Variants in EFCAB11 observed in about 807,000 individuals in gnomAD.
The protein encoded by EFCAB11 is EF-hand calcium-binding domain-containing protein 11.
Under a neutral mutation model 23.0 loss-of-function variants are expected in EFCAB11, and 14 were observed. That is an observed-to-expected ratio of 0.61 (90% CI 0.40 to 0.95). The LOEUF is 0.95. Ranked by LOEUF, EFCAB11 falls within the 40% of genes least tolerant of loss-of-function variation. The probability of loss-of-function intolerance (pLI) is 0.00; values close to 1 mark genes in which losing one functional copy is unlikely to be tolerated. For synonymous variants in EFCAB11, 65 were observed against 66.6 expected, an observed-to-expected ratio of 0.98 and a Z score of 0.11; for missense variants, 198 against 195.8, an observed-to-expected ratio of 1.01 and a Z score of -0.07.
intron 4 of EFCAB11, among the ~76,000 whole-genome samples, chr14:89,931,888 G>A (rs1206231552): frequency 6.6e-6 from 1 of 152,156 alleles, no homozygotes; most frequent in Non-Finnish European, 1.5e-5. Context: ...GATTCTCTCA[G>A]TACCAGAGAT....
At chr14:89,892,364 G>C (rs376978635) in intron 5 of EFCAB11, 68 of 1,611,592 alleles carry the variant, frequency 4.2e-5, no homozygotes, top group Middle Eastern at 3.3e-4. Flanking sequence ...AGAGGGCTTG[G>C]GGGGTGTCCG....
chr14:89,803,247 TC>T (rs373872756), intron 5 of EFCAB11, among the ~76,000 whole-genome samples: 52 of 152,336 alleles, frequency 3.4e-4, no homozygotes, highest in African/African-American at 1.2e-3. Flanking sequence ...AAAGACTTTT[TC>T]TTTAAAAAGA....
chr14:89,949,877 G>A (rs1891105274), intron 3 of EFCAB11, among the ~76,000 whole-genome samples: 1 of 152,250 alleles, frequency 6.6e-6, no homozygotes, highest in East Asian at 1.9e-4. Context: ...GAGAGAGCTT[G>A]TGCAGGGAAG....
chr14:89,880,605 A>G (rs1888569561), intron 5 of EFCAB11, among the ~76,000 whole-genome samples: 1 of 152,196 alleles, frequency 6.6e-6, no homozygotes, highest in Non-Finnish European at 1.5e-5. Flanking sequence ...GTTGAAAAAT[A>G]ATGAAATCGA....
At chr14:89,848,031 C>T (rs1450000937) in intron 5 of EFCAB11, among the ~76,000 whole-genome samples, 1 of 152,194 alleles carries the variant, frequency 6.6e-6, no homozygotes, top group African/African-American at 2.4e-5. Context: ...TCTACCTAAG[C>T]TCCCCAAAGT....
chr14:89,812,056 G>A (rs745456763), intron 5 of EFCAB11, among the ~76,000 whole-genome samples: 2 of 152,128 alleles, frequency 1.3e-5, no homozygotes, highest in Admixed American at 1.3e-4. Context: ...TTTAAGGTTG[G>A]TTCCAGTTCT....
At chr14:89,852,406 G>GA (rs1439727953) in intron 5 of EFCAB11, among the ~76,000 whole-genome samples, 2 of 152,140 alleles carry the variant, frequency 1.3e-5, no homozygotes, top group African/African-American at 4.8e-5. Flanking sequence ...AACCTCCTGA[G>GA]ACTCACGCTC....
rs35435801 is a variant in EFCAB11, at chr14:89,954,617, G to T, written c.44C>A (p.Ala15Asp). 2.3e-5 allele frequency: 37 copies of T among 1,613,476 alleles called. No individual in the cohort carries two copies. Among genetic ancestry groups the T allele is most frequent in the Non-Finnish European group, 3.0e-5 (35 of 1,179,966 alleles). The part of the protein sequence containing the change: ...EARARSRTWE[A>D]SPSEHRKWVE... ...CCACTTCCTGTGTTCCGAGGGACTG[G>T]CTTCCCACGTCCGCGACCTGGCTCT... The change falls in exon 1 of 6, where the codon GCC becomes GAC. Residue 15 changes from alanine (A) to aspartate (D), a missense_variant. Ala to Asp is a moderately radical substitution (Grantham distance 126, BLOSUM62 -2). Transcript: ENST00000316738.
chr14:89,942,582 T>C (rs1239196164), intron 3 of EFCAB11, among the ~76,000 whole-genome samples: 1 of 152,156 alleles, frequency 6.6e-6, no homozygotes, highest in Non-Finnish European at 1.5e-5. Context: ...CTGAAAGAGG[T>C]AGCAAGACTA....
chr14:89,894,790 G>T (rs1889107888), intron 5 of EFCAB11, among the ~76,000 whole-genome samples: 1 of 152,090 alleles, frequency 6.6e-6, no homozygotes, highest in Non-Finnish European at 1.5e-5. Context: ...TTAGCTAGAA[G>T]ATTAACATAC....
At chr14:89,847,801 T>C (rs2140135737) in intron 5 of EFCAB11, among the ~76,000 whole-genome samples, 1 of 150,816 alleles carries the variant, frequency 6.6e-6, no homozygotes. Flanking sequence ...AGACTCTGAA[T>C]TCAGACAGAC....
chr14:89,942,821 C>G (rs2139831832), intron 3 of EFCAB11, among the ~76,000 whole-genome samples: 1 of 152,330 alleles, frequency 6.6e-6, no homozygotes, highest in Middle Eastern at 3.4e-3. Context: ...ATACTTTACT[C>G]TTATTTCTAC....
Position 89,932,515 on chromosome 14 carries a change from G to C in EFCAB11, c.319+11C>G. On this transcript the variant is annotated intron_variant, in intron 4 of 5. Coordinates refer to ENST00000316738, the MANE Select transcript of EFCAB11 (RefSeq NM_145231.4). ...ATTTTTTTTACATCAAAACACTTTA[G>C]AGACACTTACAGTAGGTGTCAAAGG... is the stretch of plus-strand genomic sequence containing the variant. 1.9e-6 allele frequency: 3 copies of C among 1,608,050 alleles called. No homozygotes were observed. The highest frequency in any genetic ancestry group is 2.2e-5 in the South Asian group (2 of 90,666).
At chr14:89,903,154 A>G (rs1221282496) in intron 5 of EFCAB11, among the ~76,000 whole-genome samples, 2 of 152,244 alleles carry the variant, frequency 1.3e-5, no homozygotes, top group African/African-American at 2.4e-5. Context: ...CTGAATACAC[A>G]TTTAAAACAG....
intron 5 of EFCAB11, among the ~76,000 whole-genome samples, chr14:89,849,544 G>T (rs903558749): frequency 6.7e-6 from 1 of 149,632 alleles, no homozygotes; most frequent in South Asian, 2.1e-4. Flanking sequence ...ATTGTGGGAG[G>T]TTTCTTTGCT....
At chr14:89,803,954 A>G (rs919286741) in intron 5 of EFCAB11, among the ~76,000 whole-genome samples, 2 of 152,132 alleles carry the variant, frequency 1.3e-5, no homozygotes, top group African/African-American at 4.8e-5. Flanking sequence ...AGGAAAGACT[A>G]AAGAGATATG....
At chr14:89,837,240 T>C in intron 5 of EFCAB11, 1 of 411,364 alleles carries the variant, frequency 2.4e-6, no homozygotes, top group Non-Finnish European at 5.0e-6. Flanking sequence ...CAATCAATTT[T>C]CTGCCTTGCC....
At chr14:89,951,067 G>A (rs1420979236) in intron 2 of EFCAB11, among the ~76,000 whole-genome samples, 1 of 152,090 alleles carries the variant, frequency 6.6e-6, no homozygotes, top group Non-Finnish European at 1.5e-5. Context: ...CCCAATTTCA[G>A]ATTGCTACAT....
chr14:89,911,392 GAGGCAGT>G (rs1889671495), intron 5 of EFCAB11, among the ~76,000 whole-genome samples: 1 of 152,196 alleles, frequency 6.6e-6, no homozygotes, highest in Admixed American at 6.5e-5. Flanking sequence ...TGGGGGTGGA[GAGGCAGT>G]AGGTCAGACG....
Sources: gnomAD v4.1 joint callset for allele counts (sites outside exome capture counted in the v4.1 genomes callset) on GRCh38, gnomAD v4.1.1 for gene constraint, MANE v1.5 for transcripts, NCBI Gene and HGNC (gene_info 2026-07-23, HGNC 2026-07-21) for gene names.